UNC13B: variants seen among roughly 807,000 people sequenced by gnomAD.
The protein encoded by UNC13B is protein unc-13 homolog B.
UNC13B carries 144 observed loss-of-function variants against 211.0 expected under a neutral mutation model. That is an observed-to-expected ratio of 0.68 (90% CI 0.60 to 0.78). UNC13B has a LOEUF of 0.78. UNC13B is among the 30% of genes least tolerant of loss of function. The probability of loss-of-function intolerance (pLI) is 0.00; values close to 1 mark genes in which losing one functional copy is unlikely to be tolerated. For synonymous variants in UNC13B, 709 were observed against 725.8 expected (o/e 0.98, Z 0.37); for missense variants, 1,777 against 2,002.0 (o/e 0.89, Z 2.14).
At chr9:35,196,219 T>C (rs988753755) in intron 1 of UNC13B, among the ~76,000 whole-genome samples, 1 of 152,210 alleles carries the variant, frequency 6.6e-6, no homozygotes. Context: ...ATGGTGGTTA[T>C]TGTATTTGGG....
Position 35,382,059 on chromosome 9 carries a change from G to A in UNC13B, c.10656-298G>A, listed in dbSNP as rs369203277. On this transcript the variant is annotated intron_variant, in intron 20 of 39. Coordinates refer to ENST00000635942, the MANE Select transcript of UNC13B (RefSeq NM_001371189.2). ...TCGTGTACATGTGTTTGTGACAACC[G>A]GTCTGGCCTAGACTGGCCTGGGGGT... Among the ~76,000 whole-genome samples, 102 of 152,252 alleles carry A rather than the reference G, an allele frequency of 6.7e-4. 1 individual carries two copies. The South Asian group carries it at 0.015, about 23-fold the overall frequency.
intron 7 of UNC13B, among the ~76,000 whole-genome samples, chr9:35,291,651 T>C (rs1564116603): frequency 6.6e-6 from 1 of 152,206 alleles, no homozygotes; most frequent in Non-Finnish European, 1.5e-5. Context: ...TGGCTTTCCC[T>C]GAAGCAGCCC....
At chr9:35,164,793 T>C (rs1046725317) in intron 1 of UNC13B, among the ~76,000 whole-genome samples, 3 of 152,236 alleles carry the variant, frequency 2.0e-5, no homozygotes, top group Admixed American at 2.0e-4. Flanking sequence ...ACTTTTTTTG[T>C]TGTTGAAAAC....
chr9:35,170,318 A>G (rs535014538), intron 1 of UNC13B, among the ~76,000 whole-genome samples: 1 of 152,218 alleles, frequency 6.6e-6, no homozygotes, highest in Admixed American at 6.5e-5. Flanking sequence ...GGTGTCCACC[A>G]CCACGCCTAG....
intron 22 of UNC13B, chr9:35,384,912 A>T: frequency 2.8e-6 from 2 of 721,374 alleles, no homozygotes; most frequent in Non-Finnish European, 3.4e-6. Flanking sequence ...AAGTGTGTGA[A>T]TTTTCAGAAC....
At chr9:35,244,912 G>A (rs548332730) in intron 6 of UNC13B, among the ~76,000 whole-genome samples, 10 of 152,068 alleles carry the variant, frequency 6.6e-5, no homozygotes, top group East Asian at 1.9e-4. Context: ...AGGGTTTTCC[G>A]TTACCTCCTT....
rs779562172 is a variant in UNC13B, at chr9:35,269,534, C to T, written c.526+10484C>T. ...GATCATTGATGATTAATTGGCTCAA[C>T]CTTCAGCCCCTCTTTTCTCCCTGGA... On this transcript the variant is annotated intron_variant, in intron 7 of 39. Coordinates refer to ENST00000635942, the MANE Select transcript of UNC13B (RefSeq NM_001371189.2). 5.9e-5 allele frequency among the ~76,000 whole-genome samples: 9 copies of T among 152,188 alleles called. 1 individual carries two copies. The highest frequency in any genetic ancestry group is 1.0e-4 in the Non-Finnish European group (7 of 68,038).
Position 35,304,201 on chromosome 9 carries a change from G to A in UNC13B, c.4797G>A (p.Trp1599Ter). The A allele has an allele frequency of 2.5e-6, 1 of 398,712 alleles. No homozygotes were observed. The allele number at this position is 398,712 out of a possible 1,614,324, so 24.7% of individuals were successfully genotyped here. Residue 1599 changes from tryptophan (W) to a stop codon, truncating the protein, a stop_gained, in exon 9 of 40, where the codon TGG becomes TGA. Transcript: ENST00000635942. LOFTEE classifies it high-confidence loss of function. ...KVLDKEDEIF[W>*]YVEEEPIDDP... The stretch of plus-strand genomic sequence containing the variant: ...TTGATAAGGAAGATGAAATATTTTG[G>A]TATGTTGAAGAGGAACCAATTGATG...
In UNC13B at chr9:35,309,222, A is replaced by AGT. The variant is rs5897599; in HGVS notation, c.9008+851_9008+852dup. On this transcript the variant is annotated intron_variant, in intron 9 of 39. Coordinates refer to ENST00000635942, the MANE Select transcript of UNC13B (RefSeq NM_001371189.2). ...TTGTTCAAAGGGGTTGGTCAGGGTC[A>AGT]GTGTGTGTGTGTGTGTGTGTGTGTG... 6.2e-3 allele frequency among the ~76,000 whole-genome samples: 901 copies of AGT among 145,238 alleles called. 1 individual carries two copies. The highest frequency in any genetic ancestry group is 0.014 in the African/African-American group (560 of 39,288).
intron 6 of UNC13B, among the ~76,000 whole-genome samples, chr9:35,254,871 A>G (rs1172511027): frequency 1.5e-5 from 2 of 133,220 alleles, no homozygotes; most frequent in African/African-American, 2.8e-5. Flanking sequence ...TTGTTTATAC[A>G]TTATTTATAT....
chr9:35,257,363 ATATTTATAAAATATTTATATAAATATT>A (rs1245669281), intron 6 of UNC13B, among the ~76,000 whole-genome samples: 3 of 2,966 alleles, frequency 1.0e-3, no homozygotes, highest in South Asian at 0.05. Context: ...ATTTATATAA[ATATTTATAAAATATTTATATAAATATT>A]TATAAAAATA....
At chr9:35,179,647 T>C (rs1032301101) in intron 1 of UNC13B, among the ~76,000 whole-genome samples, 2 of 151,972 alleles carry the variant, frequency 1.3e-5, no homozygotes, top group East Asian at 3.9e-4. Flanking sequence ...AAAAATTAGC[T>C]GGGTGTGGTG....
chr9:35,205,222 T>G (rs1180003818), intron 1 of UNC13B, among the ~76,000 whole-genome samples: 1 of 152,188 alleles, frequency 6.6e-6, no homozygotes, highest in East Asian at 1.9e-4. Context: ...GCTTCCTGTA[T>G]AGCCTGTGGA....
intron 1 of UNC13B, among the ~76,000 whole-genome samples, chr9:35,214,432 C>A: frequency 6.6e-6 from 1 of 151,768 alleles, no homozygotes; most frequent in East Asian, 1.9e-4. Context: ...GTCTCAAAAA[C>A]AAACAAACAA....
chr9:35,352,939 C>T (rs1243849762), intron 11 of UNC13B: 12 of 1,232,072 alleles, frequency 9.7e-6, no homozygotes, highest in Non-Finnish European at 1.1e-5. Context: ...GTGAGGCCAG[C>T]AGCTGCCTGT....
intron 7 of UNC13B, among the ~76,000 whole-genome samples, chr9:35,267,729 G>C (rs1199129177): frequency 6.6e-6 from 1 of 152,128 alleles, no homozygotes; most frequent in Non-Finnish European, 1.5e-5. Context: ...GTGCAGGTGT[G>C]AGTCTCCAAA....
At chr9:35,219,825 A>G (rs956388936) in intron 1 of UNC13B, among the ~76,000 whole-genome samples, 2 of 152,064 alleles carry the variant, frequency 1.3e-5, no homozygotes, top group African/African-American at 2.4e-5. Context: ...CTCTTTCCCA[A>G]GCTGTAGTCA....
rs565681008 is a variant in UNC13B at position 35,317,239 on chromosome 9, C to T, written c.9414+3250C>T. Among the ~76,000 whole-genome samples the T allele has an allele frequency of 3.9e-5, 6 of 152,210 alleles. No homozygotes were observed. The South Asian group carries it at 6.2e-4, about 16-fold the overall frequency. On this transcript the variant is annotated intron_variant, in intron 11 of 39. Transcript: ENST00000635942. ...TTATTGAGACAGGGTCTTACTCTGT[C>T]GCTTAGGCTGGAGTGCAGTGGCATG... is the stretch of plus-strand genomic sequence containing the variant.
intron 7 of UNC13B, among the ~76,000 whole-genome samples, chr9:35,264,704 A>G (rs1459601777): frequency 6.6e-6 from 1 of 152,188 alleles, no homozygotes; most frequent in Non-Finnish European, 1.5e-5. Flanking sequence ...CATTTACTTC[A>G]TTATGTAAGA....
Sources: allele counts gnomAD v4.1 joint callset (sites outside exome capture counted in the v4.1 genomes callset), GRCh38; gene constraint gnomAD v4.1.1; transcripts MANE v1.5; gene names NCBI Gene and HGNC (gene_info 2026-07-23, HGNC 2026-07-21).